Variants in TMEM196 observed in about 807,000 individuals in gnomAD.
The protein encoded by TMEM196 is transmembrane protein 196.
TMEM196 carries 17 observed loss-of-function variants against 20.0 expected under a neutral mutation model. The ratio of observed to expected loss-of-function variants is 0.85; its 90% confidence interval spans 0.58 to 1.27. TMEM196 has a LOEUF of 1.27. Ranked by LOEUF, TMEM196 falls within the 50% of genes most tolerant of loss-of-function variation. The pLI, the probability that TMEM196 is intolerant of heterozygous loss-of-function variation, is 0.00. For synonymous variants in TMEM196, 113 were observed against 88.9 expected, an observed-to-expected ratio of 1.27 and a Z score of -1.52; for missense variants, 267 against 223.0, an observed-to-expected ratio of 1.20 and a Z score of -1.26.
chr7:19,727,918 GA>G (rs199762837), intron 2 of TMEM196, among the ~76,000 whole-genome samples: 15 of 151,970 alleles, frequency 9.9e-5, no homozygotes, highest in African/African-American at 2.9e-4. Context: ...TATTTGGAGT[GA>G]AATTTTTTTT....
chr7:19,769,791 G>A (rs1036178638), intron 1 of TMEM196, among the ~76,000 whole-genome samples: 1 of 152,136 alleles, frequency 6.6e-6, no homozygotes, highest in Non-Finnish European at 1.5e-5. Flanking sequence ...GGTATTATAA[G>A]TAATCTAGAG....
At chr7:19,727,714 A>G (rs1784050759) in intron 2 of TMEM196, among the ~76,000 whole-genome samples, 4 of 152,204 alleles carry the variant, frequency 2.6e-5, no homozygotes, top group Admixed American at 2.0e-4. Context: ...TAGAGAAAGC[A>G]GACAATACCT....
intron 1 of TMEM196, among the ~76,000 whole-genome samples, chr7:19,730,852 A>G (rs1784179015): frequency 6.6e-6 from 1 of 152,224 alleles, no homozygotes; most frequent in African/African-American, 2.4e-5. Context: ...CACAGAATAT[A>G]TAAGAATTTG....
At chr7:19,727,319 GC>G (rs1784033465) in intron 2 of TMEM196, among the ~76,000 whole-genome samples, 1 of 152,128 alleles carries the variant, frequency 6.6e-6, no homozygotes, top group South Asian at 2.1e-4. Flanking sequence ...GAAGAATTTA[GC>G]CCAGCCAAGA....
intron 1 of TMEM196, among the ~76,000 whole-genome samples, chr7:19,740,948 A>T (rs1784564288): frequency 6.6e-6 from 1 of 152,182 alleles, no homozygotes; most frequent in African/African-American, 2.4e-5. Flanking sequence ...TACATGTTGA[A>T]GTAGATGCAG....
chr7:19,763,910 A>T (rs1583460656), intron 1 of TMEM196, among the ~76,000 whole-genome samples: 2 of 152,258 alleles, frequency 1.3e-5, no homozygotes, highest in African/African-American at 4.8e-5. Flanking sequence ...AGATAATGTA[A>T]CTCAGTCAAG....
At chr7:19,772,255 CT>C (rs1218580776) in intron 1 of TMEM196, among the ~76,000 whole-genome samples, 1 of 146,266 alleles carries the variant, frequency 6.8e-6, no homozygotes, top group Non-Finnish European at 1.5e-5. Flanking sequence ...GCAAAGCAGC[CT>C]TTTGTAGAAT....
chr7:19,759,829 A>G (rs972268689), intron 1 of TMEM196, among the ~76,000 whole-genome samples: 1 of 152,172 alleles, frequency 6.6e-6, no homozygotes, highest in African/African-American at 2.4e-5. Context: ...TCAAGTAACT[A>G]TCTGTGCTTC....
chr7:19,748,307 A>C (rs1430031696), intron 1 of TMEM196, among the ~76,000 whole-genome samples: 1 of 150,306 alleles, frequency 6.7e-6, no homozygotes, highest in African/African-American at 2.5e-5. Flanking sequence ...TAATGACAGA[A>C]CTTAGAAAGA....
At position 19,739,991 on chromosome 7, in the gene TMEM196, T is replaced by C. The variant is rs573172846; in HGVS notation, c.148-10553A>G. On this transcript the variant is annotated intron_variant, in intron 1 of 4. Coordinates refer to ENST00000405844, the MANE Select transcript of TMEM196 (RefSeq NM_001363562.2). ...TGTGTGTGCACACATGTATCTCCTT[T>C]GCCTCAGCAGTCCCACAAGTGAGAA... 1.3e-4 allele frequency among the ~76,000 whole-genome samples: 20 copies of C among 152,258 alleles called. No individual in the cohort carries two copies. In the South Asian group the frequency reaches 3.9e-3, roughly 30 times the overall value.
intron 1 of TMEM196, among the ~76,000 whole-genome samples, chr7:19,747,978 A>C (rs567656166): frequency 4.6e-5 from 7 of 152,192 alleles, no homozygotes; most frequent in Admixed American, 2.0e-4. Context: ...AACAACTAAA[A>C]TATTGATCGT....
Position 19,722,079 on chromosome 7 carries a change from A to G in TMEM196, c.*49T>C. The G allele has an allele frequency of 1.9e-6, 3 of 1,609,724 alleles. No homozygotes were observed. Among genetic ancestry groups the G allele is most frequent in the Non-Finnish European group, 2.5e-6 (3 of 1,177,778 alleles). On this transcript the variant is annotated 3_prime_UTR_variant, in exon 5 of 5. Coordinates refer to ENST00000405844, the MANE Select transcript of TMEM196 (RefSeq NM_001363562.2). ...TTCAATTCTTTAAAACATTGATTAC[A>G]CTCTTCCATTAAATATCAGCTGTGG...
intron 1 of TMEM196, among the ~76,000 whole-genome samples, chr7:19,771,863 T>G (rs770086193): frequency 7.9e-5 from 12 of 152,196 alleles, no homozygotes; most frequent in Non-Finnish European, 1.5e-4. Flanking sequence ...TATTCTCCAT[T>G]TAGAATGTTA....
In TMEM196 at chr7:19,722,318, A is replaced by C. The variant is rs140432966; in HGVS notation, c.534-184T>G. On this transcript the variant is annotated intron_variant, in intron 4 of 4. Coordinates refer to ENST00000405844, the MANE Select transcript of TMEM196 (RefSeq NM_001363562.2). ...TCATGGCATCTTGGAGCACATGCAA[A>C]TGCCAAAGTAAGAGTCAGTTAGACC... Among the ~76,000 whole-genome samples, 67 of 152,242 alleles carry C rather than the reference A, an allele frequency of 4.4e-4. 1 individual carries two copies. Among genetic ancestry groups the C allele is most frequent in the Non-Finnish European group, 8.1e-4 (55 of 67,976 alleles).
chr7:19,763,500 A>T lies in TMEM196; in HGVS notation c.147+9050T>A, dbSNP rs1785509253. ...ATTCCAACATTGATCTAAAACAATT[A>T]TTCCTGGGACTCTGGAACATGCACA... On this transcript the variant is annotated intron_variant, in intron 1 of 4. Coordinates refer to ENST00000405844, the MANE Select transcript of TMEM196 (RefSeq NM_001363562.2). Among the ~76,000 whole-genome samples the T allele has an allele frequency of 2.0e-5, 3 of 152,200 alleles. No homozygotes were observed. The South Asian group carries it at 6.2e-4, about 32-fold the overall frequency.
intron 1 of TMEM196, among the ~76,000 whole-genome samples, chr7:19,751,566 C>T (rs1784961267): frequency 6.6e-6 from 1 of 152,090 alleles, no homozygotes; most frequent in Non-Finnish European, 1.5e-5. Context: ...TGCAGGTATG[C>T]TGATACTTAT....
At chr7:19,743,147 G>T (rs1419875317) in intron 1 of TMEM196, among the ~76,000 whole-genome samples, 1 of 152,110 alleles carries the variant, frequency 6.6e-6, no homozygotes, top group African/African-American at 2.4e-5. Context: ...GGTATATCTG[G>T]GCTTTTAAGT....
chr7:19,741,573 G>A (rs1017806172), intron 1 of TMEM196, among the ~76,000 whole-genome samples: 1 of 152,098 alleles, frequency 6.6e-6, no homozygotes, highest in East Asian at 1.9e-4. Flanking sequence ...AACTTGGATG[G>A]TGTTGACCTT....
chr7:19,749,341 A>G (rs1218748055), intron 1 of TMEM196, among the ~76,000 whole-genome samples: 1 of 152,172 alleles, frequency 6.6e-6, no homozygotes, highest in Non-Finnish European at 1.5e-5. Context: ...TGAATGATTC[A>G]TTTGAATTAA....
Sources: gnomAD v4.1 joint callset for allele counts (sites outside exome capture counted in the v4.1 genomes callset) on GRCh38, gnomAD v4.1.1 for gene constraint, MANE v1.5 for transcripts, NCBI Gene and HGNC (gene_info 2026-07-23, HGNC 2026-07-21) for gene names.